Variants in GRAMD4 observed in about 807,000 individuals in gnomAD.
The protein encoded by GRAMD4 is GRAM domain containing 4.
GRAMD4 carries 25 observed loss-of-function variants against 83.9 expected under a neutral mutation model. The ratio of observed to expected loss-of-function variants is 0.30; its 90% CI spans 0.22 to 0.42. The LOEUF (loss-of-function observed/expected upper bound fraction) is 0.42, where lower values mean the gene tolerates loss of function less well. Ranked by LOEUF, GRAMD4 falls within the 10% of genes least tolerant of loss-of-function variation. GRAMD4 has a pLI of 1.00. For synonymous variants in GRAMD4, 336 were observed against 320.9 expected (o/e 1.05, Z -0.50); for missense variants, 593 against 788.7 (o/e 0.75, Z 2.97).
intron 3 of GRAMD4, among the ~76,000 whole-genome samples, chr22:46,642,242 C>T (rs907467673): frequency 6.6e-6 from 1 of 152,224 alleles, no homozygotes; most frequent in Admixed American, 6.5e-5. Flanking sequence ...CTGGAATTGA[C>T]CATTTCTGAA....
chr22:46,663,529 G>A (rs1263681911), intron 6 of GRAMD4, among the ~76,000 whole-genome samples: 1 of 152,212 alleles, frequency 6.6e-6, no homozygotes, highest in Admixed American at 6.5e-5. Context: ...TGGGGGTCCC[G>A]AGGGAGCTAG....
intron 1 of GRAMD4, among the ~76,000 whole-genome samples, chr22:46,584,714 T>C (rs908172921): frequency 6.6e-6 from 1 of 152,106 alleles, no homozygotes; most frequent in African/African-American, 2.4e-5. Context: ...CCCAACATGA[T>C]TCCACGACTT....
Position 46,620,562 on chromosome 22 carries a change from G to A in GRAMD4, c.-53G>A, listed in dbSNP as rs1265222944. On this transcript the variant is annotated 5_prime_UTR_variant, in exon 1 of 19. Transcript: ENST00000406902. The surrounding 1 kb of genome is among the most constrained non-coding windows in gnomAD (Gnocchi z 4.7). ...GTTTCTGGATGTATCTGAGACAGACGGAGGTAGGGGGCAGGGGGCAGGGGG... is the reference window on the plus strand; with the variant it reads ...GTTTCTGGATGTATCTGAGACAGACAGAGGTAGGGGGCAGGGGGCAGGGGG... The A allele has an allele frequency of 9.5e-6, 9 of 949,056 alleles. No individual in the cohort carries two copies. Among genetic ancestry groups the A allele is most frequent in the Middle Eastern group, 5.3e-4 (1 of 1,874 alleles). The allele number at this position is 949,056 out of a possible 1,614,324, so 58.8% of individuals were successfully genotyped here.
At chr22:46,609,737 G>A (rs1408644577) in intron 1 of GRAMD4, among the ~76,000 whole-genome samples, 1 of 152,232 alleles carries the variant, frequency 6.6e-6, no homozygotes, top group African/African-American at 2.4e-5. Flanking sequence ...GCAGAGCAGG[G>A]TCTGCAGAGC....
chr22:46,663,267 C>A, intron 6 of GRAMD4, 95 bp downstream of exon 6: 1 of 1,193,010 alleles, frequency 8.4e-7, no homozygotes, highest in Admixed American at 2.0e-5. Flanking sequence ...TCACCGTGGG[C>A]CAAAGCTGTC....
Position 46,658,262 on chromosome 22 carries a change from G to A in GRAMD4, c.359G>A (p.Arg120Gln). ...LRQELDRERQRRMELEQKVQE... is the reference protein window; with the variant it reads ...LRQELDRERQQRMELEQKVQE... ...CAGGAGCTGGACCGCGAGCGGCAGCGGCGGATGGAGCTGGAGCAGAAGGTG... is the reference window on the plus strand; with the variant it reads ...CAGGAGCTGGACCGCGAGCGGCAGCAGCGGATGGAGCTGGAGCAGAAGGTG... Residue 120 changes from arginine (R) to glutamine (Q), a missense_variant, in exon 4 of 19, where the codon CGG becomes CAG. Physicochemically the swap from Arg to Gln is conservative, Grantham distance 43. Transcript: ENST00000406902. 20 of 1,613,300 alleles carry A rather than the reference G, an allele frequency of 1.2e-5. No individual in the cohort carries two copies. The highest frequency in any genetic ancestry group is 2.2e-5 in the East Asian group (1 of 44,880).
At chr22:46,590,462 G>C (rs571715513) in intron 1 of GRAMD4, among the ~76,000 whole-genome samples, 2 of 152,236 alleles carry the variant, frequency 1.3e-5, no homozygotes, top group Admixed American at 1.3e-4. Context: ...CCAGGAGCGC[G>C]TCCCAAGGAG....
At chr22:46,609,647 G>C (rs185714588) in intron 1 of GRAMD4, among the ~76,000 whole-genome samples, 1 of 152,184 alleles carries the variant, frequency 6.6e-6, no homozygotes, top group Non-Finnish European at 1.5e-5. Flanking sequence ...CCAGGGACAC[G>C]GCACGCTGAT....
chr22:46,674,862 T>A, intron 16 of GRAMD4, 112 bp downstream of exon 16: 1 of 771,254 alleles, frequency 1.3e-6, no homozygotes, highest in Non-Finnish European at 2.3e-6. Context: ...GTGGTGGCCA[T>A]GGCCTCTCCC....
intron 16 of GRAMD4, 106 bp downstream of exon 16, chr22:46,674,856 T>A (rs546717576): frequency 6.3e-6 from 5 of 787,496 alleles, no homozygotes; most frequent in Admixed American, 5.6e-5. Context: ...TCCTGAGTGG[T>A]GGCCATGGCC....
At chr22:46,577,716 C>T (rs1016560059) in intron 1 of GRAMD4, among the ~76,000 whole-genome samples, 2 of 152,154 alleles carry the variant, frequency 1.3e-5, no homozygotes, top group Non-Finnish European at 2.9e-5. Context: ...GAGGGCGCCC[C>T]AGCCCCTGCT....
chr22:46,678,970 C>A lies in GRAMD4; in HGVS notation c.*1719C>A. On this transcript the variant is annotated 3_prime_UTR_variant, in exon 19 of 19. Transcript: ENST00000406902. ...GGCCTTTCCCGAATGGGGACAGAAC[C>A]CGCTCTGAGCCGTGGGTCTGGCTCC... 8 of 985,776 alleles carry A rather than the reference C, an allele frequency of 8.1e-6. No individual in the cohort carries two copies. The highest frequency in any genetic ancestry group is 9.6e-6 in the Non-Finnish European group (8 of 829,976). The allele number at this position is 985,776 out of a possible 1,614,324, so 61.1% of individuals were successfully genotyped here. A position where few individuals can be genotyped will look rare whatever the true frequency, so the allele number is the denominator to read the frequency against.
chr22:46,653,337 C>T (rs2082195360), intron 3 of GRAMD4, among the ~76,000 whole-genome samples: 1 of 152,182 alleles, frequency 6.6e-6, no homozygotes, highest in South Asian at 2.1e-4. Context: ...GTGAAGATGG[C>T]CGGGCTCTGG....
At chr22:46,585,510 G>A (rs1157627928) in intron 1 of GRAMD4, among the ~76,000 whole-genome samples, 4 of 152,174 alleles carry the variant, frequency 2.6e-5, no homozygotes, top group African/African-American at 9.7e-5. Flanking sequence ...TTTTCTTGAT[G>A]TTGGGTTAAC....
intron 16 of GRAMD4, 81 bp from the exon 17 acceptor site, chr22:46,675,387 G>A: frequency 1.1e-6 from 1 of 908,710 alleles, no homozygotes; most frequent in Non-Finnish European, 1.9e-6. Context: ...GGGCTGAGAG[G>A]CAGCCCCGGG....
At chr22:46,644,171 A>G (rs1470344579) in intron 3 of GRAMD4, among the ~76,000 whole-genome samples, 1 of 152,222 alleles carries the variant, frequency 6.6e-6, no homozygotes, top group Non-Finnish European at 1.5e-5. Context: ...TCCCTGTTCC[A>G]GGTTACACTT....
intron 3 of GRAMD4, among the ~76,000 whole-genome samples, chr22:46,645,956 C>T (rs1331836077): frequency 1.3e-5 from 2 of 152,212 alleles, no homozygotes; most frequent in African/African-American, 2.4e-5. Flanking sequence ...CACACAGCCT[C>T]TACCCAAGAG....
In GRAMD4 at chr22:46,667,555, C is replaced by T. The variant is rs150847976; in HGVS notation, c.859-541C>T. On this transcript the variant is annotated intron_variant, in intron 10 of 18. Transcript: ENST00000406902. ...AGAAGTCTGCTCTAGAGGGAGACCC[C>T]GGCCCATGGGGCAGGACCACTGGGC... Among the ~76,000 whole-genome samples the T allele has an allele frequency of 4.8e-4, 73 of 152,344 alleles. No homozygotes were observed. In the East Asian group the frequency reaches 0.013, roughly 27 times the overall value.
At chr22:46,649,572 T>C (rs888912140) in intron 3 of GRAMD4, among the ~76,000 whole-genome samples, 2 of 152,254 alleles carry the variant, frequency 1.3e-5, no homozygotes, top group South Asian at 2.1e-4. Flanking sequence ...GATCCTGCAT[T>C]GGTGTCCTGA....
Sources: allele counts gnomAD v4.1 joint callset (sites outside exome capture counted in the v4.1 genomes callset), GRCh38; gene constraint gnomAD v4.1.1; non-coding constraint Gnocchi (gnomAD v3.1); transcripts MANE v1.5; gene names NCBI Gene and HGNC (gene_info 2026-07-23, HGNC 2026-07-21).